CDK6: variants seen among roughly 807,000 people sequenced by gnomAD.
CDK6 encodes cyclin-dependent kinase 6.
CDK6 carries 6 observed loss-of-function variants against 37.1 expected under a neutral mutation model. That is an observed-to-expected ratio of 0.16 (90% CI 0.09 to 0.32). CDK6 has a LOEUF of 0.32. CDK6 is among the 10% of genes least tolerant of loss of function. CDK6 has a pLI of 1.00. For missense variants in CDK6, 224 were observed against 418.9 expected (o/e 0.53, Z 4.06); for synonymous variants, 160 against 161.3 (o/e 0.99, Z 0.06).
At chr7:92,715,672 TA>T (rs1798215900) in intron 4 of CDK6, among the ~76,000 whole-genome samples, 1 of 152,080 alleles carries the variant, frequency 6.6e-6, no homozygotes, top group Non-Finnish European at 1.5e-5. Flanking sequence ...AGATTAGCAA[TA>T]AAGTCAATAA....
At chr7:92,758,722 G>A (rs1287325948) in intron 3 of CDK6, among the ~76,000 whole-genome samples, 1 of 152,072 alleles carries the variant, frequency 6.6e-6, no homozygotes, top group African/African-American at 2.4e-5. Flanking sequence ...AAATTGTCTT[G>A]GGCAGTATGT....
chr7:92,614,780 A>G lies in CDK6; in HGVS notation c.*360T>C, dbSNP rs1795637790. On this transcript the variant is annotated 3_prime_UTR_variant, in exon 8 of 8. Transcript: ENST00000424848. ...AATCAGGCCCGGCAGCTGCAGAGAG[A>G]TTACATCATAACTCAGCTGTGCCTG... 1 of 317,486 alleles carries G rather than the reference A, an allele frequency of 3.1e-6. No homozygotes were observed. Among genetic ancestry groups the G allele is most frequent in the South Asian group, 7.7e-5 (1 of 13,044 alleles). 19.7% of individuals were successfully genotyped at this position (317,486 alleles called of 1,614,324 possible).
At chr7:92,750,660 G>A (rs1450456703) in intron 3 of CDK6, among the ~76,000 whole-genome samples, 1 of 152,166 alleles carries the variant, frequency 6.6e-6, no homozygotes, top group Non-Finnish European at 1.5e-5. Context: ...GTCACAATGT[G>A]GAAGGCAAAC....
At chr7:92,776,422 C>T (rs891281374) in intron 2 of CDK6, among the ~76,000 whole-genome samples, 1 of 152,164 alleles carries the variant, frequency 6.6e-6, no homozygotes, top group Non-Finnish European at 1.5e-5. Context: ...TGGGTATATA[C>T]TCAGTAATGG....
At chr7:92,746,562 A>C (rs1281736141) in intron 3 of CDK6, among the ~76,000 whole-genome samples, 1 of 152,132 alleles carries the variant, frequency 6.6e-6, no homozygotes, top group Non-Finnish European at 1.5e-5. Context: ...TAGACTTGGG[A>C]CCTATCCCAA....
At chr7:92,678,502 T>G (rs2116618511) in intron 4 of CDK6, among the ~76,000 whole-genome samples, 1 of 152,350 alleles carries the variant, frequency 6.6e-6, no homozygotes. Context: ...TTGATCTCTA[T>G]TCACATTTTT....
intron 4 of CDK6, among the ~76,000 whole-genome samples, chr7:92,681,988 T>A (rs1442918238): frequency 2.0e-5 from 3 of 152,176 alleles, no homozygotes; most frequent in Admixed American, 2.0e-4. Context: ...TTTCCTATAT[T>A]TCTTCTCTCT....
chr7:92,675,727 G>A (rs191497588), intron 4 of CDK6, among the ~76,000 whole-genome samples: 2 of 152,168 alleles, frequency 1.3e-5, no homozygotes, highest in African/African-American at 2.4e-5. Flanking sequence ...TTTGTTAGCA[G>A]TGTGTCTTAA....
At chr7:92,772,924 T>C (rs920587947) in intron 3 of CDK6, among the ~76,000 whole-genome samples, 6 of 152,146 alleles carry the variant, frequency 3.9e-5, no homozygotes, top group Non-Finnish European at 8.8e-5. Flanking sequence ...ATATAAAATA[T>C]ATGGTTGCCT....
chr7:92,659,336 G>T (rs138561177), intron 5 of CDK6, among the ~76,000 whole-genome samples: 154 of 152,188 alleles, frequency 1.0e-3, no homozygotes, highest in African/African-American at 3.6e-3. Flanking sequence ...AAGAAAGAAT[G>T]TAAAAATATC....
chr7:92,732,788 C>T (rs897057985), intron 3 of CDK6, among the ~76,000 whole-genome samples: 1 of 152,202 alleles, frequency 6.6e-6, no homozygotes, highest in African/African-American at 2.4e-5. Flanking sequence ...GTAGAATGCT[C>T]TCTGCTGTAC....
chr7:92,835,865 AC>A lies in CDK6; in HGVS notation c.-368+612del, dbSNP rs553020758. Reference sequence around the variant, plus strand: ...AATTATAAAAGTAAACTTGGAAACTACAGCAAACGTGCGTCTTCGCGGGGCT... The same window carrying A: ...AATTATAAAAGTAAACTTGGAAACTAAGCAAACGTGCGTCTTCGCGGGGCT... On this transcript the variant is annotated intron_variant, in intron 1 of 7. Coordinates refer to ENST00000424848, the MANE Select transcript of CDK6 (RefSeq NM_001145306.2). This position sits in a 1 kb window ranked among gnomAD's most constrained non-coding sequence, Gnocchi z 4.2. 1.9e-3 allele frequency among the ~76,000 whole-genome samples: 288 copies of A among 152,376 alleles called. 1 individual carries two copies. The highest frequency in any genetic ancestry group is 6.5e-3 in the African/African-American group (271 of 41,596).
At chr7:92,720,702 C>T (rs181779710) in intron 4 of CDK6, among the ~76,000 whole-genome samples, 99 of 152,262 alleles carry the variant, frequency 6.5e-4, no homozygotes, top group Non-Finnish European at 9.0e-4. Flanking sequence ...CCCGGGTGCA[C>T]AGTGAGGTAG....
At chr7:92,691,453 A>C (rs1034752075) in intron 4 of CDK6, among the ~76,000 whole-genome samples, 4 of 152,226 alleles carry the variant, frequency 2.6e-5, no homozygotes, top group Admixed American at 2.0e-4. Context: ...ACATATTGTA[A>C]ATGTGCATGC....
chr7:92,749,094 G>A (rs896704306), intron 3 of CDK6, among the ~76,000 whole-genome samples: 4 of 152,022 alleles, frequency 2.6e-5, no homozygotes, highest in Non-Finnish European at 4.4e-5. Context: ...AGCTACTCGG[G>A]GGGCTGAGGC....
At chr7:92,774,624 GGAAA>G in intron 3 of CDK6, 68 bp downstream of exon 3, 1 of 1,326,676 alleles carries the variant, frequency 7.5e-7, no homozygotes, top group Non-Finnish European at 1.0e-6. Flanking sequence ...ATTTTCATAA[GGAAA>G]GAAAGCCATT....
intron 3 of CDK6, among the ~76,000 whole-genome samples, chr7:92,731,006 T>C (rs1419647735): frequency 1.4e-4 from 21 of 152,174 alleles, no homozygotes; most frequent in Admixed American, 1.4e-3. Flanking sequence ...ACTAACAGCA[T>C]CGTGTTAAGG....
At chr7:92,679,882 G>A (rs971175785) in intron 4 of CDK6, among the ~76,000 whole-genome samples, 1 of 151,522 alleles carries the variant, frequency 6.6e-6, no homozygotes, top group Non-Finnish European at 1.5e-5. Context: ...CACCATGCCC[G>A]GCTAATTTTT....
At chr7:92,634,489 T>A (rs1562918394) in intron 5 of CDK6, among the ~76,000 whole-genome samples, 1 of 151,458 alleles carries the variant, frequency 6.6e-6, no homozygotes, top group Non-Finnish European at 1.5e-5. Flanking sequence ...TTTTTTTTGG[T>A]AACAAAAAAT....
Sources: allele counts gnomAD v4.1 joint callset (sites outside exome capture counted in the v4.1 genomes callset), GRCh38; gene constraint gnomAD v4.1.1; non-coding constraint Gnocchi (gnomAD v3.1); transcripts MANE v1.5; gene names NCBI Gene and HGNC (gene_info 2026-07-23, HGNC 2026-07-21).